Variants in SAMD4A observed in about 807,000 individuals in gnomAD.
The protein encoded by SAMD4A is sterile alpha motif domain containing 4A.
Under a neutral mutation model 81.3 loss-of-function variants are expected in SAMD4A, and 33 were observed. The ratio of observed to expected loss-of-function variants is 0.41; its 90% CI spans 0.31 to 0.54. The LOEUF is 0.54. SAMD4A is among the 20% of genes least tolerant of loss of function. The probability of loss-of-function intolerance (pLI) is 0.37; values close to 1 mark genes in which losing one functional copy is unlikely to be tolerated. For missense variants in SAMD4A, 854 were observed against 951.1 expected (o/e 0.90, Z 1.34); for synonymous variants, 389 against 382.1 (o/e 1.02, Z -0.21).
intron 2 of SAMD4A, among the ~76,000 whole-genome samples, chr14:54,586,560 C>T (rs576031733): frequency 2.0e-5 from 3 of 151,940 alleles, no homozygotes; most frequent in East Asian, 1.9e-4. Flanking sequence ...TATGGTTTCA[C>T]GTCTTATATT....
rs1254078943 is a variant in SAMD4A at position 54,570,900 on chromosome 14, C to T, written c.196+2788C>T. ...ATTGGATTGCTGAGATTTCCTGTAC[C>T]GAAGTCATCTTGTATCACTTTATTT... On this transcript the variant is annotated intron_variant, in intron 2 of 12. Coordinates refer to ENST00000554335, the MANE Select transcript of SAMD4A (RefSeq NM_015589.6). Among the ~76,000 whole-genome samples the T allele has an allele frequency of 2.0e-5, 3 of 152,156 alleles. No individual in the cohort carries two copies. The East Asian group carries it at 5.8e-4, about 29-fold the overall frequency.
chr14:54,733,804 T>G (rs1392911923), intron 3 of SAMD4A, among the ~76,000 whole-genome samples: 1 of 151,490 alleles, frequency 6.6e-6, no homozygotes, highest in Non-Finnish European at 1.5e-5. Context: ...AGTCTGTATT[T>G]ACTACTCTTC....
intron 2 of SAMD4A, among the ~76,000 whole-genome samples, chr14:54,593,047 A>G (rs939214641): frequency 1.4e-4 from 21 of 152,242 alleles, no homozygotes; most frequent in African/African-American, 4.6e-4. Context: ...AAAAAATAGA[A>G]TGATATAATA....
At chr14:54,643,719 T>C (rs2035223650) in intron 2 of SAMD4A, among the ~76,000 whole-genome samples, 1 of 152,252 alleles carries the variant, frequency 6.6e-6, no homozygotes, top group Non-Finnish European at 1.5e-5. Flanking sequence ...AGTTATTGCT[T>C]ATTCTGTTTG....
rs80193972 is a variant in SAMD4A at position 54,576,411 on chromosome 14, A to T, written c.196+8299A>T. ...TCAGAACCACTCCATGTGCCTCAAG[A>T]TAAATAAACTTGTCTCCGTTTGAAA... On this transcript the variant is annotated intron_variant, in intron 2 of 12. Transcript: ENST00000554335. Among the ~76,000 whole-genome samples, 10 of 152,336 alleles carry T rather than the reference A, an allele frequency of 6.6e-5. No individual in the cohort carries two copies. In the East Asian group the frequency reaches 1.9e-3, roughly 29 times the overall value.
chr14:54,589,119 T>C (rs2033705861), intron 2 of SAMD4A, among the ~76,000 whole-genome samples: 1 of 152,218 alleles, frequency 6.6e-6, no homozygotes, highest in Non-Finnish European at 1.5e-5. Flanking sequence ...TAGAAAGTTT[T>C]ACATTTGGAT....
intron 12 of SAMD4A, among the ~76,000 whole-genome samples, chr14:54,787,002 C>T (rs1185357918): frequency 6.6e-6 from 1 of 152,194 alleles, no homozygotes; most frequent in Admixed American, 6.5e-5. Flanking sequence ...GGCACAGTGG[C>T]AGTGTGCCCT....
chr14:54,663,915 G>A (rs1375605893), intron 2 of SAMD4A, among the ~76,000 whole-genome samples: 4 of 152,196 alleles, frequency 2.6e-5, no homozygotes, highest in Admixed American at 2.6e-4. Context: ...TTGAGAGTAT[G>A]TGCTCCCAAA....
intron 2 of SAMD4A, among the ~76,000 whole-genome samples, chr14:54,577,307 T>C (rs1338053161): frequency 6.6e-6 from 1 of 152,222 alleles, no homozygotes; most frequent in Non-Finnish European, 1.5e-5. Flanking sequence ...AAAGACATGG[T>C]ACAGCCAAGG....
intron 6 of SAMD4A, among the ~76,000 whole-genome samples, chr14:54,753,617 C>A (rs1335187400): frequency 6.6e-6 from 1 of 152,072 alleles, no homozygotes; most frequent in African/African-American, 2.4e-5. Context: ...CTTTCTTTTC[C>A]CTACACATAT....
intron 8 of SAMD4A, among the ~76,000 whole-genome samples, chr14:54,769,487 G>GA (rs1335696734): frequency 6.6e-6 from 1 of 152,190 alleles, no homozygotes; most frequent in Non-Finnish European, 1.5e-5. Flanking sequence ...AGTTTTGCTA[G>GA]AAAAGAGTTC....
Position 54,775,087 on chromosome 14 carries a change from C to T in SAMD4A, c.1869C>T (p.Asn623=). Residue 623 remains asparagine, a synonymous_variant, in exon 10 of 13, where the codon AAC becomes AAT. Coordinates refer to ENST00000554335, the MANE Select transcript of SAMD4A (RefSeq NM_015589.6). ...LLGTSGFVSS[N]QRNTTATPTI... ...GCACCAGTGGATTCGTCAGCTCCAA[C>T]CAGCGCAACACCACAGCTACCCCCA... 1 of 1,614,184 alleles carries T rather than the reference C, an allele frequency of 6.2e-7. No homozygotes were observed. The highest frequency in any genetic ancestry group is 2.2e-5 in the East Asian group (1 of 44,860).
chr14:54,687,320 A>G, intron 2 of SAMD4A: 1 of 456,380 alleles, frequency 2.2e-6, no homozygotes, highest in Non-Finnish European at 4.4e-6. Context: ...CAGACTTTGG[A>G]TGTTCTTGGC....
chr14:54,737,736 T>C (rs2037736979), intron 4 of SAMD4A, among the ~76,000 whole-genome samples: 1 of 151,936 alleles, frequency 6.6e-6, no homozygotes, highest in African/African-American at 2.4e-5. Flanking sequence ...TAAGTCTATG[T>C]TAATGCAGAA....
chr14:54,625,553 T>G (rs963622906), intron 2 of SAMD4A, among the ~76,000 whole-genome samples: 5 of 152,226 alleles, frequency 3.3e-5, no homozygotes, highest in African/African-American at 1.2e-4. Flanking sequence ...AAACTGTGAT[T>G]CTTCAGATCA....
chr14:54,614,828 G>A (rs1015835488), intron 2 of SAMD4A, among the ~76,000 whole-genome samples: 2 of 152,164 alleles, frequency 1.3e-5, no homozygotes, highest in African/African-American at 4.8e-5. Flanking sequence ...GATTTAGAGA[G>A]AGACCTGTGA....
chr14:54,734,325 C>A (rs1471673801), intron 3 of SAMD4A, among the ~76,000 whole-genome samples: 1 of 152,222 alleles, frequency 6.6e-6, no homozygotes, highest in Non-Finnish European at 1.5e-5. Context: ...GTGTGAGGCA[C>A]TGTGCTTGGT....
At chr14:54,738,406 A>C (rs2037753541) in intron 4 of SAMD4A, among the ~76,000 whole-genome samples, 1 of 152,174 alleles carries the variant, frequency 6.6e-6, no homozygotes, top group Non-Finnish European at 1.5e-5. Flanking sequence ...CTCCCCTGGC[A>C]CATTCCTTGA....
At chr14:54,597,516 C>T (rs1479977483) in intron 2 of SAMD4A, among the ~76,000 whole-genome samples, 5 of 151,302 alleles carry the variant, frequency 3.3e-5, no homozygotes, top group East Asian at 3.9e-4. Flanking sequence ...CTCAGGTGAT[C>T]GCCCACCTTG....
Sources: allele counts gnomAD v4.1 joint callset (sites outside exome capture counted in the v4.1 genomes callset), GRCh38; gene constraint gnomAD v4.1.1; transcripts MANE v1.5; gene names NCBI Gene and HGNC (gene_info 2026-07-23, HGNC 2026-07-21).